TENM4: variants seen among roughly 807,000 people sequenced by gnomAD.
TENM4 encodes teneurin-4.
A neutral mutation model predicts 243.3 loss-of-function variants in TENM4; 82 were observed. The observed-to-expected ratio is 0.34, with a 90% CI of 0.28 to 0.40. TENM4 has a LOEUF of 0.40. TENM4 is among the 10% of genes least tolerant of loss of function. The probability of loss-of-function intolerance (pLI) is 1.00; values close to 1 mark genes in which losing one functional copy is unlikely to be tolerated. For missense variants in TENM4, 3,138 were observed against 3,673.3 expected (o/e 0.85, Z 3.77); for synonymous variants, 1,412 against 1,456.3 (o/e 0.97, Z 0.69).
chr11:79,064,677 T>G, intron 6 of TENM4, 61 bp downstream of exon 6: 1 of 1,539,738 alleles, frequency 6.5e-7, no homozygotes, highest in Non-Finnish European at 8.8e-7. Context: ...AAATCAATAT[T>G]ATAAATAAAA....
intron 9 of TENM4, among the ~76,000 whole-genome samples, 180 bp from the exon 10 acceptor site, chr11:78,863,312 A>T (rs1179954544): frequency 6.6e-6 from 1 of 152,240 alleles, no homozygotes; most frequent in Non-Finnish European, 1.5e-5. Flanking sequence ...GACAGAGAGG[A>T]TCAAGGTTCA....
intron 5 of TENM4, among the ~76,000 whole-genome samples, chr11:79,066,763 C>T (rs115012289): frequency 4.6e-5 from 7 of 152,060 alleles, no homozygotes; most frequent in African/African-American, 7.2e-5. Flanking sequence ...CGCACAAGCA[C>T]GCACACACAC....
Position 78,669,616 on chromosome 11 carries a change from G to A in TENM4, c.6729C>T (p.Asp2243=). The part of the protein sequence containing the change: ...RLTPLRYDIR[D]RITRLGDVQY... ...GCACGTCACCCAGCCGAGTGATGCG[G>A]TCGCGGATGTCATACCGTAGTGGTG... The change falls in exon 32 of 34, where the codon GAC becomes GAT. Residue 2243 remains aspartate, a synonymous_variant. Transcript: ENST00000278550. This position sits in a 1 kb window ranked among gnomAD's most constrained non-coding sequence, Gnocchi z 6.4. 1.9e-6 allele frequency: 3 copies of A among 1,613,990 alleles called. 1 individual carries two copies. Among genetic ancestry groups the A allele is most frequent in the South Asian group, 2.2e-5 (2 of 91,082 alleles).
chr11:79,102,959 C>A (rs1282288381), intron 4 of TENM4, among the ~76,000 whole-genome samples: 1 of 152,256 alleles, frequency 6.6e-6, no homozygotes, highest in East Asian at 1.9e-4. Flanking sequence ...AAAACATAGC[C>A]ATGTCACTTC....
intron 33 of TENM4, among the ~76,000 whole-genome samples, chr11:78,660,795 CAT>C (rs1380877851): frequency 6.6e-6 from 1 of 152,144 alleles, no homozygotes; most frequent in Non-Finnish European, 1.5e-5. Context: ...CAAATGAATG[CAT>C]GAAGTGAGTG....
In TENM4 at chr11:78,802,413, C is replaced by A. The variant is rs990407863; in HGVS notation, c.2179+2879G>T. 3.0e-4 allele frequency among the ~76,000 whole-genome samples: 46 copies of A among 152,230 alleles called. 1 individual carries two copies. The highest frequency in any genetic ancestry group is 2.4e-4 in the Non-Finnish European group (16 of 68,054). ...CCAAGGTCGCATGGTTAACATGTGG[C>A]AGAAGCAGGGTGGAACCCAGGCCAG... On this transcript the variant is annotated intron_variant, in intron 15 of 33. Coordinates refer to ENST00000278550, the MANE Select transcript of TENM4 (RefSeq NM_001098816.3).
rs149163666 is a variant in TENM4 at position 78,943,228 on chromosome 11, G to T, written c.494-39705C>A. On this transcript the variant is annotated intron_variant, in intron 6 of 33. Coordinates refer to ENST00000278550, the MANE Select transcript of TENM4 (RefSeq NM_001098816.3). ...CTAGGGCAGGAGGCCCTGGAGGAAG[G>T]GGGAGATTTCACACCCCAACTTCTA... Among the ~76,000 whole-genome samples the T allele has an allele frequency of 6.2e-3, 952 of 152,348 alleles. 3 individuals carry two copies. The highest frequency in any genetic ancestry group is 0.01 in the Non-Finnish European group (692 of 68,034).
intron 6 of TENM4, among the ~76,000 whole-genome samples, chr11:78,913,515 G>A (rs1489902295): frequency 6.6e-6 from 1 of 151,724 alleles, no homozygotes; most frequent in Non-Finnish European, 1.5e-5. Context: ...TTTCAAAAAT[G>A]ATCTGATCCA....
chr11:79,439,772 C>A (rs1429962667), intron 1 of TENM4, among the ~76,000 whole-genome samples: 1 of 152,128 alleles, frequency 6.6e-6, no homozygotes, highest in Admixed American at 6.5e-5. Flanking sequence ...CTGAGGAGCT[C>A]GGTGATCACA....
intron 1 of TENM4, among the ~76,000 whole-genome samples, chr11:79,411,964 C>T (rs917265845): frequency 3.3e-5 from 5 of 152,174 alleles, no homozygotes; most frequent in Admixed American, 2.0e-4. Context: ...TAGTGGGAGC[C>T]GATATTCCTG....
chr11:78,690,134 C>G (rs1858783489), intron 28 of TENM4, among the ~76,000 whole-genome samples: 1 of 152,284 alleles, frequency 6.6e-6, no homozygotes, highest in Non-Finnish European at 1.5e-5. Context: ...TCAGTCTGGC[C>G]TAGGGGAGGC....
chr11:79,151,748 C>T (rs1862516541), intron 3 of TENM4, among the ~76,000 whole-genome samples: 1 of 152,054 alleles, frequency 6.6e-6, no homozygotes, highest in Non-Finnish European at 1.5e-5. Flanking sequence ...CTAGACACTC[C>T]CCCTACCCCT....
chr11:78,795,310 A>G (rs1422439186), intron 15 of TENM4, among the ~76,000 whole-genome samples: 1 of 152,184 alleles, frequency 6.6e-6, no homozygotes, highest in African/African-American at 2.4e-5. Context: ...TACACAGGAA[A>G]CATGTCTTCT....
At chr11:79,046,844 C>A (rs959145446) in intron 6 of TENM4, among the ~76,000 whole-genome samples, 1 of 152,142 alleles carries the variant, frequency 6.6e-6, no homozygotes, top group African/African-American at 2.4e-5. Flanking sequence ...GTTTGTGGTA[C>A]TTCGTGACAG....
chr11:78,895,327 A>T (rs1855766968), intron 7 of TENM4, among the ~76,000 whole-genome samples: 1 of 136,348 alleles, frequency 7.3e-6, no homozygotes, highest in Admixed American at 8.2e-5. Flanking sequence ...ACAGAGTGAG[A>T]CTCCGTCTCC....
At chr11:78,687,340 C>G (rs527897920) in intron 29 of TENM4, among the ~76,000 whole-genome samples, 4 of 152,304 alleles carry the variant, frequency 2.6e-5, no homozygotes, top group African/African-American at 7.2e-5. Flanking sequence ...TACCCTGAGG[C>G]TCCTTTCACT....
Position 79,222,442 on chromosome 11 carries a change from T to C in TENM4, c.-264-6533A>G, listed in dbSNP as rs373173469. Among the ~76,000 whole-genome samples the C allele has an allele frequency of 4.2e-3, 639 of 152,358 alleles. 4 individuals carry two copies. The highest frequency in any genetic ancestry group is 6.8e-3 in the Middle Eastern group (2 of 294). On this transcript the variant is annotated intron_variant, in intron 2 of 33. Coordinates refer to ENST00000278550, the MANE Select transcript of TENM4 (RefSeq NM_001098816.3). ...TTGGGTTGGTTCCGTGTCTTTGCTA[T>C]TGTGAATAGTGCTGCAATAAACATA...
At chr11:78,675,014 C>T (rs929419775) in intron 30 of TENM4, among the ~76,000 whole-genome samples, 5 of 151,930 alleles carry the variant, frequency 3.3e-5, no homozygotes, top group Non-Finnish European at 5.9e-5. Flanking sequence ...TACTGGTGTC[C>T]CCCATCATAC....
At chr11:79,152,708 C>G (rs1862534882) in intron 3 of TENM4, among the ~76,000 whole-genome samples, 1 of 152,214 alleles carries the variant, frequency 6.6e-6, no homozygotes, top group African/African-American at 2.4e-5. Flanking sequence ...TGGCAGCCCT[C>G]TACTGATGTC....
Sources: gnomAD v4.1 joint callset for allele counts (sites outside exome capture counted in the v4.1 genomes callset) on GRCh38, gnomAD v4.1.1 for gene constraint, Gnocchi (gnomAD v3.1) non-coding constraint, MANE v1.5 for transcripts, NCBI Gene and HGNC (gene_info 2026-07-23, HGNC 2026-07-21) for gene names.